DCAF8L2: variants seen among roughly 807,000 people sequenced by gnomAD.
DCAF8L2 encodes the protein DDB1 and CUL4 associated factor 8 like 2.
For missense variants in DCAF8L2, 430 were observed against 490.7 expected (o/e 0.88, Z 1.17); for synonymous variants, 200 against 190.9 (o/e 1.05, Z -0.39).
the DCAF8L2 span, among the ~76,000 whole-genome samples, chrX:27,499,218 A>G: frequency 6.2e-5 from 7 of 112,278 alleles, no homozygotes; most frequent in African/African-American, 1.9e-4. Context: ...TTTTCTTCAC[A>G]TCTTCACCAA....
At chrX:27,662,039 A>C (rs1182971755) in intron 2 of DCAF8L2, among the ~76,000 whole-genome samples, 2 of 111,981 alleles carry the variant, frequency 1.8e-5, no homozygotes, top group Non-Finnish European at 3.8e-5. Flanking sequence ...ATCAATAAAT[A>C]TTTTCAAATT....
chrX:27,598,721 C>T (rs1370824257), intron 1 of DCAF8L2, among the ~76,000 whole-genome samples: 2 of 111,150 alleles, frequency 1.8e-5, no homozygotes, highest in Non-Finnish European at 3.8e-5. Context: ...TCCAACTGAG[C>T]CAGTGATCAC....
At chrX:27,605,472 T>C (rs973844885) in intron 1 of DCAF8L2, among the ~76,000 whole-genome samples, 1 of 111,023 alleles carries the variant, frequency 9.0e-6, no homozygotes, top group Non-Finnish European at 1.9e-5. Flanking sequence ...TTTGGAGATT[T>C]GGAGTCCTGC....
chrX:27,730,941 T>C (rs1921157522), intron 4 of DCAF8L2, among the ~76,000 whole-genome samples: 1 of 111,336 alleles, frequency 9.0e-6, no homozygotes, highest in South Asian at 3.7e-4. Context: ...TCACAGGCCT[T>C]TAATATCACT....
At chrX:27,630,202 G>T (rs763358390) in intron 1 of DCAF8L2, among the ~76,000 whole-genome samples, 1 of 111,600 alleles carries the variant, frequency 9.0e-6, no homozygotes, top group South Asian at 3.7e-4. Context: ...TTCTTCTGTG[G>T]AGTCTAGGTT....
At chrX:27,524,657 T>G in the DCAF8L2 span, among the ~76,000 whole-genome samples, 66 of 110,432 alleles carry the variant, frequency 6.0e-4, no homozygotes, top group African/African-American at 9.9e-4. Context: ...GCTTTCTCTT[T>G]TGGGCATTTA....
the DCAF8L2 span, among the ~76,000 whole-genome samples, chrX:27,547,897 C>CTCTCTG: frequency 7.5e-4 from 67 of 89,704 alleles, 4 homozygotes; most frequent in African/African-American, 2.3e-3. Flanking sequence ...CTCTTTCTCT[C>CTCTCTG]TCTCTCTCTC....
intron 1 of DCAF8L2, among the ~76,000 whole-genome samples, chrX:27,627,765 G>A (rs958581971): frequency 1.1e-4 from 12 of 108,736 alleles, no homozygotes; most frequent in African/African-American, 4.0e-4. Context: ...GTGGTGGTGC[G>A]TGCCTGTAAT....
intron 2 of DCAF8L2, among the ~76,000 whole-genome samples, chrX:27,661,581 A>G (rs1424230197): frequency 8.9e-6 from 1 of 111,833 alleles, no homozygotes; most frequent in African/African-American, 3.3e-5. Flanking sequence ...GGGGATTAAT[A>G]TATGCTTGTT....
At chrX:27,557,622 A>G in the DCAF8L2 span, among the ~76,000 whole-genome samples, 2 of 111,559 alleles carry the variant, frequency 1.8e-5, no homozygotes, top group Admixed American at 9.6e-5. Flanking sequence ...AATGCTTTTC[A>G]GAGTATCTCA....
At chrX:27,475,781 A>G in the DCAF8L2 span, among the ~76,000 whole-genome samples, 1 of 112,386 alleles carries the variant, frequency 8.9e-6, no homozygotes, top group Non-Finnish European at 1.9e-5. Context: ...GCAAACCAAC[A>G]CATTGTCAGT....
At chrX:27,607,401 G>T (rs770334725) in intron 1 of DCAF8L2, among the ~76,000 whole-genome samples, 77 of 110,994 alleles carry the variant, frequency 6.9e-4, no homozygotes, top group African/African-American at 2.5e-3. Context: ...ATCATTTCCT[G>T]TATAGGATAT....
the DCAF8L2 span, among the ~76,000 whole-genome samples, chrX:27,577,110 A>G: frequency 8.9e-6 from 1 of 112,205 alleles, no homozygotes; most frequent in Non-Finnish European, 1.9e-5. Context: ...AAATCTGAAT[A>G]CTGATCTATT....
chrX:27,680,899 G>C (rs772896738), intron 3 of DCAF8L2, among the ~76,000 whole-genome samples: 7 of 112,128 alleles, frequency 6.2e-5, no homozygotes, highest in Non-Finnish European at 1.1e-4. Flanking sequence ...GCTGGATTCA[G>C]AAGGTTAAAT....
chrX:27,725,470 G>A (rs1438109369), intron 4 of DCAF8L2, among the ~76,000 whole-genome samples: 1 of 110,548 alleles, frequency 9.0e-6, no homozygotes, highest in Non-Finnish European at 1.9e-5. Flanking sequence ...AGATTTATTT[G>A]TGATAATGAC....
chrX:27,511,034 C>G, the DCAF8L2 span, among the ~76,000 whole-genome samples: 2 of 110,906 alleles, frequency 1.8e-5, no homozygotes, highest in Admixed American at 9.7e-5. Flanking sequence ...TCAGAAGATT[C>G]AGCTACTAAA....
chrX:27,727,860 C>T (rs375029349), intron 4 of DCAF8L2, among the ~76,000 whole-genome samples: 3 of 110,933 alleles, frequency 2.7e-5, no homozygotes, highest in African/African-American at 6.5e-5. Flanking sequence ...TTTTCTGTGA[C>T]GAGATTTTGG....
intron 1 of DCAF8L2, among the ~76,000 whole-genome samples, chrX:27,592,006 G>A (rs561546252): frequency 8.9e-6 from 1 of 112,843 alleles, no homozygotes; most frequent in Middle Eastern, 4.6e-3. Flanking sequence ...TGAAGTGAAC[G>A]CAGTGCTGCC....
intron 3 of DCAF8L2, among the ~76,000 whole-genome samples, chrX:27,684,263 G>A (rs1486631098): frequency 9.0e-6 from 1 of 111,257 alleles, no homozygotes; most frequent in Non-Finnish European, 1.9e-5. Flanking sequence ...GAAACAAAGG[G>A]GAAGCAGTAT....
Sources: gnomAD v4.1 joint callset for allele counts (sites outside exome capture counted in the v4.1 genomes callset) on GRCh38, gnomAD v4.1.1 for gene constraint, MANE v1.5 for transcripts, NCBI Gene and HGNC (gene_info 2026-07-23, HGNC 2026-07-21) for gene names.